PTPRM: variants seen among roughly 807,000 people sequenced by gnomAD.
The protein encoded by PTPRM is receptor-type tyrosine-protein phosphatase mu.
A neutral mutation model predicts 186.7 loss-of-function variants in PTPRM; 47 were observed. That is an observed-to-expected ratio of 0.25 (90% CI 0.20 to 0.32). The LOEUF (loss-of-function observed/expected upper bound fraction) is 0.32, where lower values mean the gene tolerates loss of function less well. Among genes scored for constraint, PTPRM ranks in the 10% least tolerant of loss-of-function variants. The probability of loss-of-function intolerance (pLI) is 1.00; values close to 1 mark genes in which losing one functional copy is unlikely to be tolerated. For synonymous variants in PTPRM, 668 were observed against 674.9 expected (o/e 0.99, Z 0.16); for missense variants, 1,494 against 1,865.0 (o/e 0.80, Z 3.66).
chr18:8,341,967 G>A (rs1300235027), intron 22 of PTPRM, among the ~76,000 whole-genome samples: 2 of 152,218 alleles, frequency 1.3e-5, no homozygotes, highest in East Asian at 3.9e-4. Context: ...GAGGCAGAGT[G>A]CATGGTCCCT....
chr18:8,009,793 A>G (rs1483518524), intron 7 of PTPRM, among the ~76,000 whole-genome samples: 4 of 152,190 alleles, frequency 2.6e-5, no homozygotes, highest in Non-Finnish European at 5.9e-5. Context: ...CAGTTGGACT[A>G]AATAATATCT....
Position 8,253,273 on chromosome 18 carries a change from C to T in PTPRM, c.2613C>T (p.Ser871=), listed in dbSNP as rs758092340. ...GCGATACCAGCAGCCTGGTGCAGTC[C>T]CATACTTACAAGAAGCGAGAGCCGG... ...MASDTSSLVQ[S]HTYKKREPAD... is the part of the protein sequence containing the mutation. The change falls in exon 19 of 33, where the codon TCC becomes TCT. Residue 871 remains serine (S), a synonymous_variant. Transcript: ENST00000580170. 2 of 1,590,738 alleles carry T rather than the reference C, an allele frequency of 1.3e-6. No homozygotes were observed. The highest frequency in any genetic ancestry group is 1.1e-5 in the South Asian group (1 of 87,238).
intron 22 of PTPRM, among the ~76,000 whole-genome samples, chr18:8,322,932 A>C (rs1416293128): frequency 6.6e-6 from 1 of 151,972 alleles, no homozygotes; most frequent in Non-Finnish European, 1.5e-5. Context: ...TAATTCTCCC[A>C]CCTCAGCCTC....
At chr18:7,648,967 G>A (rs2038631542) in intron 1 of PTPRM, among the ~76,000 whole-genome samples, 1 of 152,176 alleles carries the variant, frequency 6.6e-6, no homozygotes, top group South Asian at 2.1e-4. Context: ...TAAGTTGAGA[G>A]GAGAAGTCAA....
chr18:8,035,363 A>G (rs541324570), intron 7 of PTPRM, among the ~76,000 whole-genome samples: 1 of 152,248 alleles, frequency 6.6e-6, no homozygotes, highest in South Asian at 2.1e-4. Context: ...CTCAGTATCC[A>G]GGGGGGATTA....
chr18:7,952,218 T>A (rs1019840927), intron 6 of PTPRM, among the ~76,000 whole-genome samples: 6 of 152,282 alleles, frequency 3.9e-5, no homozygotes, highest in African/African-American at 1.4e-4. Context: ...CCATTAGATA[T>A]ATGTCTGTGT....
intron 14 of PTPRM, among the ~76,000 whole-genome samples, chr18:8,169,963 A>G (rs1568458185): frequency 6.6e-6 from 1 of 152,230 alleles, no homozygotes; most frequent in Admixed American, 6.5e-5. Flanking sequence ...CAAAGAATTT[A>G]AAGAGCTAGA....
chr18:8,083,898 T>C (rs1193134114), intron 9 of PTPRM, among the ~76,000 whole-genome samples: 2 of 152,156 alleles, frequency 1.3e-5, no homozygotes, highest in Non-Finnish European at 2.9e-5. Flanking sequence ...AATGGTGTAG[T>C]ATCACAGATT....
At chr18:7,995,629 G>A (rs1323194935) in intron 7 of PTPRM, 1 of 152,130 alleles carries the variant, frequency 6.6e-6, no homozygotes, top group Non-Finnish European at 1.5e-5. Context: ...TCTCTGAATG[G>A]GTAGAGCACT....
chr18:7,732,951 C>G (rs1485246551), intron 1 of PTPRM, among the ~76,000 whole-genome samples: 2 of 152,146 alleles, frequency 1.3e-5, no homozygotes, highest in African/African-American at 2.4e-5. Flanking sequence ...ACAATATAGG[C>G]TAGACATACT....
chr18:7,761,488 G>C (rs912753781), intron 1 of PTPRM, among the ~76,000 whole-genome samples: 26 of 152,128 alleles, frequency 1.7e-4, no homozygotes, highest in African/African-American at 6.0e-4. Context: ...AGGTCTGCCA[G>C]ATAACAGCCT....
chr18:8,278,270 C>T (rs116506902), intron 19 of PTPRM, among the ~76,000 whole-genome samples: 2,162 of 152,290 alleles, frequency 0.014, 19 homozygotes, highest in Middle Eastern at 0.037. Context: ...TCTGTTGTCT[C>T]TGCAGCTGAA....
At chr18:7,571,215 C>G (rs1243386714) in intron 1 of PTPRM, among the ~76,000 whole-genome samples, 1 of 152,124 alleles carries the variant, frequency 6.6e-6, no homozygotes, top group Non-Finnish European at 1.5e-5. Flanking sequence ...GCTGGGATTA[C>G]AGACATGAGC....
At chr18:7,646,402 G>A (rs2038565074) in intron 1 of PTPRM, among the ~76,000 whole-genome samples, 1 of 152,190 alleles carries the variant, frequency 6.6e-6, no homozygotes, top group African/African-American at 2.4e-5. Flanking sequence ...TTGATGACAA[G>A]ATGATAACGG....
intron 1 of PTPRM, among the ~76,000 whole-genome samples, chr18:7,661,156 T>G (rs2038972138): frequency 6.6e-6 from 1 of 152,192 alleles, no homozygotes; most frequent in Non-Finnish European, 1.5e-5. Context: ...AATTTACAGA[T>G]TTTTTTAAAA....
chr18:7,799,599 C>T (rs1177350859), intron 2 of PTPRM, among the ~76,000 whole-genome samples: 2 of 151,946 alleles, frequency 1.3e-5, no homozygotes, highest in African/African-American at 2.4e-5. Context: ...AATATATATA[C>T]CTTTTAAAGA....
intron 7 of PTPRM, among the ~76,000 whole-genome samples, chr18:8,046,569 G>T (rs143703594): frequency 1.3e-5 from 2 of 152,104 alleles, no homozygotes; most frequent in Non-Finnish European, 1.5e-5. Context: ...GGTCAGGGAC[G>T]AAGTATGATT....
intron 11 of PTPRM, among the ~76,000 whole-genome samples, chr18:8,095,034 G>C (rs2090945441): frequency 6.6e-6 from 1 of 152,118 alleles, no homozygotes; most frequent in Admixed American, 6.5e-5. Context: ...GCTGTGCTAG[G>C]ATTGGATTTG....
chr18:7,792,795 A>C (rs939986883), intron 2 of PTPRM, among the ~76,000 whole-genome samples: 1 of 152,026 alleles, frequency 6.6e-6, no homozygotes, highest in African/African-American at 2.4e-5. Context: ...CCTCCCAAGC[A>C]GCTGGGACTA....
Sources: gnomAD v4.1 joint callset for allele counts (sites outside exome capture counted in the v4.1 genomes callset) on GRCh38, gnomAD v4.1.1 for gene constraint, MANE v1.5 for transcripts, NCBI Gene and HGNC (gene_info 2026-07-23, HGNC 2026-07-21) for gene names.